CEMIP2: variants seen among roughly 807,000 people sequenced by gnomAD.
The protein encoded by CEMIP2 is cell surface hyaluronidase CEMIP2.
CEMIP2 carries 79 observed loss-of-function variants against 146.9 expected under a neutral mutation model. That is an observed-to-expected ratio of 0.54 (90% CI 0.45 to 0.65). CEMIP2 has a LOEUF of 0.65. CEMIP2 is among the 30% of genes least tolerant of loss of function. The pLI is 0.00. For synonymous variants in CEMIP2, 601 were observed against 606.3 expected, an observed-to-expected ratio of 0.99 and a Z score of 0.13; for missense variants, 1,596 against 1,696.2, an observed-to-expected ratio of 0.94 and a Z score of 1.04.
chr9:71,742,570 A>C (rs902255038), intron 4 of CEMIP2, among the ~76,000 whole-genome samples: 13 of 152,254 alleles, frequency 8.5e-5, no homozygotes, highest in Non-Finnish European at 1.8e-4. Context: ...CTATGAAATC[A>C]AGAGCAATAT....
chr9:71,713,292 C>A (rs369793026), intron 15 of CEMIP2, among the ~76,000 whole-genome samples: 1 of 152,046 alleles, frequency 6.6e-6, no homozygotes, highest in Non-Finnish European at 1.5e-5. Flanking sequence ...ACAGGAGTTT[C>A]CCTGTTTTAA....
chr9:71,746,321 G>T lies in CEMIP2; in HGVS notation c.352C>A (p.Pro118Thr). ...APDENCPDQN[P>T]RLRNWDPGQD... ...CCTGGATCCCAATTCCTGAGACGAG[G>T]ATTTTGATCTGGGCAATTTTCTATA... Residue 118 changes from proline to threonine, a missense_variant, in exon 3 of 24, where the codon CCT (proline) becomes ACT (threonine). By Grantham distance (38) the Pro-to-Thr change is conservative. Transcript: ENST00000377044. The T allele has an allele frequency of 6.2e-7, 1 of 1,613,782 alleles. No individual in the cohort carries two copies. Among genetic ancestry groups the T allele is most frequent in the Non-Finnish European group, 8.5e-7 (1 of 1,179,850 alleles).
At chr9:71,730,556 G>T in intron 8 of CEMIP2, 149 bp downstream of exon 8, 1 of 801,982 alleles carries the variant, frequency 1.2e-6, no homozygotes, top group Non-Finnish European at 1.9e-6. Context: ...GCTTCCTTCA[G>T]ACAGAAAAAT....
chr9:71,742,765 G>C (rs1235948834), intron 4 of CEMIP2, among the ~76,000 whole-genome samples: 2 of 152,112 alleles, frequency 1.3e-5, no homozygotes, highest in Non-Finnish European at 2.9e-5. Flanking sequence ...TCCACTCCTA[G>C]GTTTATATAT....
chr9:71,689,947 T>A, intron 22 of CEMIP2, 145 bp downstream of exon 22: 2 of 978,590 alleles, frequency 2.0e-6, no homozygotes, highest in South Asian at 3.7e-5. Flanking sequence ...TGGGCGTCAA[T>A]CTGAGGTAGG....
rs772558839 is a variant in CEMIP2 at position 71,730,819 on chromosome 9, C to T, written c.1659G>A (p.Leu553=). The change falls in exon 8 of 24, where the codon CTG becomes CTA. Residue 553 remains leucine (L), a synonymous_variant. Coordinates refer to ENST00000377044, the MANE Select transcript of CEMIP2 (RefSeq NM_013390.3). ...QMGRYPVHFH[L]CGDVDYKGGY... ...CTCCTTTATAATCCACGTCACCACA[C>T]AGGTGAAAATGAACAGGGTATCGCC... 11 of 1,614,174 alleles carry T rather than the reference C, an allele frequency of 6.8e-6. No individual in the cohort carries two copies. Among genetic ancestry groups the T allele is most frequent in the Non-Finnish European group, 9.3e-6 (11 of 1,180,032 alleles).
At chr9:71,728,250 T>TATAC (rs1564012216) in intron 10 of CEMIP2, among the ~76,000 whole-genome samples, 492 of 23,412 alleles carry the variant, frequency 0.021, 54 homozygotes, top group South Asian at 0.059. Context: ...TATATATATA[T>TATAC]GTATATACAC....
intron 18 of CEMIP2, 137 bp from the exon 19 acceptor site, chr9:71,700,961 TTC>T (rs1428850427): frequency 1.0e-5 from 8 of 765,746 alleles, no homozygotes; most frequent in Non-Finnish European, 1.6e-5. Context: ...CTTAAATTTC[TTC>T]TGTGTGTTGG....
In CEMIP2 at chr9:71,750,260, A is replaced by C. The variant is rs564365369; in HGVS notation, c.114T>G (p.Pro38=). The change falls in exon 2 of 24, where the codon CCT becomes CCG. Residue 38 remains proline, a synonymous_variant. Transcript: ENST00000377044. The stretch of plus-strand genomic sequence containing the variant: ...CTGAAGCTTGACTCTTTGGAGGAGG[A>C]GGGGGACGCAATGGGACAACCTTCC... ...VPGKVVPLRP[P]PPPKSQASAK... 6.2e-7 allele frequency: 1 copy of C among 1,613,918 alleles called. No homozygotes were observed. Among genetic ancestry groups the C allele is most frequent in the African/African-American group, 1.3e-5 (1 of 74,942 alleles).
rs1351597493 is a variant in CEMIP2, at chr9:71,690,074, A to G, written c.3851+18T>C. The G allele has an allele frequency of 6.2e-7, 1 of 1,610,520 alleles. No homozygotes were observed. The highest frequency in any genetic ancestry group is 1.1e-5 in the South Asian group (1 of 90,946). On this transcript the variant is annotated intron_variant, in intron 22 of 23. Coordinates refer to ENST00000377044, the MANE Select transcript of CEMIP2 (RefSeq NM_013390.3). ...CTTTAAGGTGGCTTTTCCCTGTTAC[A>G]GCACAAGCTTGACCTACCTTGGAGG...
chr9:71,756,506 T>TCACACACACA (rs1554689412), intron 1 of CEMIP2, among the ~76,000 whole-genome samples: 4 of 112,550 alleles, frequency 3.6e-5, no homozygotes, highest in African/African-American at 1.4e-4. Context: ...TCTCTCTCTC[T>TCACACACACA]CACACACACA....
chr9:71,718,178 C>A (rs568218884), intron 12 of CEMIP2, 99 bp from the exon 13 acceptor site: 318 of 1,134,716 alleles, frequency 2.8e-4, no homozygotes, highest in Non-Finnish European at 3.6e-4. Flanking sequence ...TTAAATTTGA[C>A]CAAAACAAAT....
At chr9:71,691,420 GA>G (rs148544899) in intron 21 of CEMIP2, among the ~76,000 whole-genome samples, 7 of 127,044 alleles carry the variant, frequency 5.5e-5, no homozygotes, top group East Asian at 2.5e-4. Flanking sequence ...TCTGTCTCAG[GA>G]AAAAAAAAAT....
chr9:71,700,092 C>CAT (rs1358790324), intron 19 of CEMIP2, among the ~76,000 whole-genome samples: 1 of 152,186 alleles, frequency 6.6e-6, no homozygotes, highest in African/African-American at 2.4e-5. Flanking sequence ...TGGAGCCTAC[C>CAT]ATAGCCCACA....
chr9:71,768,894 G>C (rs1377941300), upstream of CEMIP2: 2 of 147,334 alleles, frequency 1.4e-5, no homozygotes, highest in Non-Finnish European at 3.0e-5. Flanking sequence ...GGGAACTGTG[G>C]ATTGGGCGGG....
intron 21 of CEMIP2, among the ~76,000 whole-genome samples, chr9:71,693,309 C>T (rs1822288624): frequency 6.6e-6 from 1 of 152,320 alleles, no homozygotes; most frequent in African/African-American, 2.4e-5. Flanking sequence ...ATGGTGGCAC[C>T]TAGGTCAACC....
chr9:71,725,186 C>T (rs1357232024), intron 11 of CEMIP2, among the ~76,000 whole-genome samples: 2 of 152,200 alleles, frequency 1.3e-5, no homozygotes, highest in African/African-American at 4.8e-5. Context: ...AGTTTGAATG[C>T]ATCCCCCAAA....
intron 4 of CEMIP2, among the ~76,000 whole-genome samples, chr9:71,742,367 GC>G (rs1394413129): frequency 1.3e-5 from 2 of 152,188 alleles, no homozygotes; most frequent in African/African-American, 4.8e-5. Flanking sequence ...TACCAGAACT[GC>G]CTCAGCAACT....
chr9:71,685,639 C>G, intron 23 of CEMIP2, 104 bp downstream of exon 23: 1 of 976,040 alleles, frequency 1.0e-6, no homozygotes, highest in Non-Finnish European at 1.6e-6. Context: ...GATACCCACT[C>G]CAGCAAACAA....
Sources: gnomAD v4.1 joint callset for allele counts (sites outside exome capture counted in the v4.1 genomes callset) on GRCh38, gnomAD v4.1.1 for gene constraint, MANE v1.5 for transcripts, NCBI Gene and HGNC (gene_info 2026-07-23, HGNC 2026-07-21) for gene names.